Variants in PCDHGA4 observed in about 807,000 individuals in gnomAD.
PCDHGA4 encodes the protein protocadherin gamma-A4.
Under a neutral mutation model 54.6 loss-of-function variants are expected in PCDHGA4, and 38 were observed. The observed-to-expected ratio is 0.70, with a 90% confidence interval of 0.54 to 0.91. The LOEUF (loss-of-function observed/expected upper bound fraction) is 0.91. PCDHGA4 is among the 40% of genes least tolerant of loss of function. The probability of loss-of-function intolerance (pLI) is 0.00; values close to 1 mark genes in which losing one functional copy is unlikely to be tolerated. For synonymous variants in PCDHGA4, 511 were observed against 512.9 expected (o/e 1.00, Z 0.05); for missense variants, 1,298 against 1,220.9 (o/e 1.06, Z -0.94).
At chr5:141,400,178 T>G in intron 1 of PCDHGA4, 1 of 1,614,074 alleles carries the variant, frequency 6.2e-7, no homozygotes, top group Non-Finnish European at 8.5e-7. Context: ...CAGGCTGAGC[T>G]GCAGTTTTAC....
At chr5:141,474,398 C>A (rs1381347745) in intron 1 of PCDHGA4, among the ~76,000 whole-genome samples, 3 of 152,212 alleles carry the variant, frequency 2.0e-5, no homozygotes, top group Non-Finnish European at 4.4e-5. Context: ...TTCTAACAAG[C>A]TCCCCGGTGA....
chr5:141,511,443 C>A lies in PCDHGA4; in HGVS notation c.*270C>A. On this transcript the variant is annotated 3_prime_UTR_variant, in exon 4 of 4. Coordinates refer to ENST00000571252, the MANE Select transcript of PCDHGA4 (RefSeq NM_018917.4). ...GGGGTAGTGGGGTTACTGTAGACAC[C>A]AAGAACCATTTGCCACACCCCGTTT... 1 of 670,886 alleles carries A rather than the reference C, an allele frequency of 1.5e-6. No homozygotes were observed. Among genetic ancestry groups the A allele is most frequent in the Non-Finnish European group, 2.4e-6 (1 of 421,442 alleles). 41.6% of individuals were successfully genotyped at this position (670,886 alleles called of 1,614,324 possible).
In PCDHGA4 at chr5:141,356,118, T is replaced by C; in HGVS notation, c.1011T>C (p.Gly337=). The C allele has an allele frequency of 6.2e-7, 1 of 1,613,582 alleles. No individual in the cohort carries two copies. Among genetic ancestry groups the C allele is most frequent in the Non-Finnish European group, 8.5e-7 (1 of 1,179,828 alleles). The change falls in exon 1 of 4, where the codon GGT becomes GGC. Residue 337 remains glycine, a synonymous_variant. Transcript: ENST00000571252. Reference sequence around the variant, plus strand: ...GTGGGGATATAACAATATTGGGGGGTCTAGATTATGAGGACTCTGGATTCT... The same window carrying C: ...GTGGGGATATAACAATATTGGGGGGCCTAGATTATGAGGACTCTGGATTCT... ...SLSGDITILG[G]LDYEDSGFYD...
intron 1 of PCDHGA4, chr5:141,371,116 T>G (rs1486795854): frequency 1.2e-6 from 2 of 1,613,914 alleles, no homozygotes; most frequent in Non-Finnish European, 8.5e-7. Flanking sequence ...AACCCCCCAG[T>G]ATTTACTCAG....
intron 1 of PCDHGA4, chr5:141,421,800 G>T (rs995129799): frequency 1.2e-6 from 2 of 1,613,728 alleles, no homozygotes. Flanking sequence ...ATGGGGCCAA[G>T]AATCCAGAGC....
chr5:141,366,085 C>T, intron 1 of PCDHGA4: 1 of 1,614,268 alleles, frequency 6.2e-7, no homozygotes, highest in Non-Finnish European at 8.5e-7. Flanking sequence ...CAGAACCTGG[C>T]TACCTGGTGA....
chr5:141,393,052 G>A, intron 1 of PCDHGA4: 1 of 1,613,612 alleles, frequency 6.2e-7, no homozygotes, highest in Non-Finnish European at 8.5e-7. Flanking sequence ...CTGAACCCGC[G>A]CAGCGGCAGC....
chr5:141,369,864 C>G lies in PCDHGA4; in HGVS notation c.2514+12243C>G, dbSNP rs184751996. Reference sequence around the variant, plus strand: ...GTATTATTTTATTTGGCCCTCATTTCTACTAGAGTAAGCAGAGAAGATATT... The same window carrying G: ...GTATTATTTTATTTGGCCCTCATTTGTACTAGAGTAAGCAGAGAAGATATT... On this transcript the variant is annotated intron_variant, in intron 1 of 3. Transcript: ENST00000571252. Among the ~76,000 whole-genome samples, 368 of 152,244 alleles carry G rather than the reference C, an allele frequency of 2.4e-3. 5 individuals carry two copies. Among genetic ancestry groups the G allele is most frequent in the African/African-American group, 8.5e-3 (353 of 41,550 alleles).
rs755457564 is a variant in PCDHGA4, at chr5:141,394,423, G to A, written c.2514+36802G>A. The stretch of plus-strand genomic sequence containing the variant: ...CAGCTACTGGTAACAGCCAGCGACA[G>A]CGGGGACCCGCCCCTCAGCAGCAAC... On this transcript the variant is annotated intron_variant, in intron 1 of 3. Coordinates refer to ENST00000571252, the MANE Select transcript of PCDHGA4 (RefSeq NM_018917.4). 2.5e-6 allele frequency: 4 copies of A among 1,614,248 alleles called. No homozygotes were observed. The Admixed American group carries it at 6.7e-5, about 27-fold the overall frequency.
At chr5:141,380,975 T>C (rs1776901580) in intron 1 of PCDHGA4, among the ~76,000 whole-genome samples, 2 of 152,246 alleles carry the variant, frequency 1.3e-5, no homozygotes, top group Non-Finnish European at 2.9e-5. Flanking sequence ...ATTAAACAAA[T>C]AGAATTTAAC....
At position 141,491,733 on chromosome 5, in the gene PCDHGA4, TGGGGGCGGCAC is replaced by T; in HGVS notation, c.2515-3073_2515-3063del. 1.9e-6 allele frequency: 3 copies of T among 1,602,698 alleles called. No individual in the cohort carries two copies. The highest frequency in any genetic ancestry group is 2.6e-6 in the Non-Finnish European group (3 of 1,175,258). On this transcript the variant is annotated intron_variant, in intron 1 of 3. Coordinates refer to ENST00000571252, the MANE Select transcript of PCDHGA4 (RefSeq NM_018917.4). The surrounding 1 kb of genome is among the most constrained non-coding windows in gnomAD (Gnocchi z 6.9). ...GCTCGGCGCCGCCCCGGGCGACCCC[TGGGGGCGGCAC>T]TGGAGAAGCCGCCCGTCCTCATAAG...
chr5:141,361,338 T>C, intron 1 of PCDHGA4: 2 of 1,613,948 alleles, frequency 1.2e-6, no homozygotes, highest in Non-Finnish European at 1.7e-6. Context: ...CAAAGAACTA[T>C]TACAAACTAG....
chr5:141,389,284 C>A, intron 1 of PCDHGA4: 1 of 1,614,048 alleles, frequency 6.2e-7, no homozygotes, highest in Non-Finnish European at 8.5e-7. Flanking sequence ...CCGCCTGGAG[C>A]CTCTATTTCA....
At chr5:141,496,760 G>A (rs144857340) in intron 2 of PCDHGA4, among the ~76,000 whole-genome samples, 4 of 152,108 alleles carry the variant, frequency 2.6e-5, no homozygotes, top group East Asian at 1.9e-4. Context: ...AATATTTATC[G>A]AGCATCTACT....
At chr5:141,448,449 T>C (rs528049717) in intron 1 of PCDHGA4, among the ~76,000 whole-genome samples, 1 of 152,284 alleles carries the variant, frequency 6.6e-6, no homozygotes, top group South Asian at 2.1e-4. Context: ...CTGACTTCCA[T>C]CCCTATCCTA....
intron 1 of PCDHGA4, chr5:141,441,743 C>G (rs1298220876): frequency 2.7e-6 from 1 of 367,284 alleles, no homozygotes; most frequent in Non-Finnish European, 5.4e-6. Flanking sequence ...AGCTCGCGCT[C>G]GGCGTCAACG....
chr5:141,398,313 G>T lies in PCDHGA4; in HGVS notation c.2514+40692G>T, dbSNP rs1270917645. The T allele has an allele frequency of 6.6e-6, 9 of 1,358,982 alleles. No individual in the cohort carries two copies. The South Asian group carries it at 1.1e-4, about 16-fold the overall frequency. 84.2% of individuals were successfully genotyped at this position (1,358,982 alleles called of 1,614,324 possible). A position where few individuals can be genotyped will look rare whatever the true frequency, so the allele number is the denominator to read the frequency against. ...TGGGGTTCAGCGTCCAGGAGTTACC[G>T]ACTCGAAAACTGCGCGTCAGTTCGG... On this transcript the variant is annotated intron_variant, in intron 1 of 3. Transcript: ENST00000571252.
rs769249726 is a variant in PCDHGA4 at position 141,490,832 on chromosome 5, A to C, written c.2515-3975A>C. On this transcript the variant is annotated intron_variant, in intron 1 of 3. Transcript: ENST00000571252. This position sits in a 1 kb window ranked among gnomAD's most constrained non-coding sequence, Gnocchi z 5.4. Reference sequence around the variant, plus strand: ...GACTATGAATTGCTGCAGATGCTGCAGATTGTGGTGGGGGTTCGAGACTCC... The same window carrying C: ...GACTATGAATTGCTGCAGATGCTGCCGATTGTGGTGGGGGTTCGAGACTCC... 1.5e-5 allele frequency: 25 copies of C among 1,613,796 alleles called. No individual in the cohort carries two copies. In the South Asian group the frequency reaches 2.6e-4, roughly 17 times the overall value.
chr5:141,475,628 C>T (rs2099366226), intron 1 of PCDHGA4, among the ~76,000 whole-genome samples: 1 of 152,116 alleles, frequency 6.6e-6, no homozygotes. Context: ...TTGGTTCGAT[C>T]CCCTTTCTTG....
Sources: allele counts gnomAD v4.1 joint callset (sites outside exome capture counted in the v4.1 genomes callset), GRCh38; gene constraint gnomAD v4.1.1; non-coding constraint Gnocchi (gnomAD v3.1); transcripts MANE v1.5; gene names NCBI Gene and HGNC (gene_info 2026-07-23, HGNC 2026-07-21).